The following GLI2 variants were observed in gnomAD, a reference collection of about 807,000 sequenced individuals.
The protein encoded by GLI2 is transcription activator GLI2.
A neutral mutation model predicts 78.9 loss-of-function variants in GLI2; 22 were observed. The ratio of observed to expected loss-of-function variants is 0.28; its 90% CI spans 0.20 to 0.40. The LOEUF (loss-of-function observed/expected upper bound fraction) is 0.40, where lower values mean the gene tolerates loss of function less well. Ranked by LOEUF, GLI2 falls within the 10% of genes least tolerant of loss-of-function variation. The pLI, the probability that GLI2 is intolerant of heterozygous loss-of-function variation, is 1.00. For synonymous variants in GLI2, 974 were observed against 963.7 expected, an observed-to-expected ratio of 1.01 and a Z score of -0.20; for missense variants, 2,097 against 2,213.2, an observed-to-expected ratio of 0.95 and a Z score of 1.05.
chr2:120,827,124 G>A (rs1421245349), intron 2 of GLI2, among the ~76,000 whole-genome samples: 2 of 152,202 alleles, frequency 1.3e-5, no homozygotes, highest in South Asian at 2.1e-4. Context: ...GTGCTTCAGG[G>A]ACCTCTAGGC....
intron 2 of GLI2, among the ~76,000 whole-genome samples, chr2:120,923,877 C>G (rs1679530848): frequency 6.6e-6 from 1 of 152,104 alleles, no homozygotes; most frequent in Non-Finnish European, 1.5e-5. Flanking sequence ...CACACACACA[C>G]CATGGCTTAG....
intron 2 of GLI2, among the ~76,000 whole-genome samples, chr2:120,804,772 C>A (rs1055667183): frequency 5.3e-5 from 8 of 152,236 alleles, no homozygotes; most frequent in Non-Finnish European, 7.3e-5. Context: ...GGGGTGCAGG[C>A]TGACCACCCA....
chr2:120,962,049 T>C (rs1014789255), intron 5 of GLI2, among the ~76,000 whole-genome samples: 1 of 152,138 alleles, frequency 6.6e-6, no homozygotes, highest in African/African-American at 2.4e-5. Flanking sequence ...CCCGATTCCA[T>C]GCAAGTCCAC....
chr2:120,909,191 C>A (rs1678689736), intron 2 of GLI2, among the ~76,000 whole-genome samples: 1 of 152,146 alleles, frequency 6.6e-6, no homozygotes, highest in Non-Finnish European at 1.5e-5. Flanking sequence ...CTTGCTCCTG[C>A]CCAAAGTGCT....
chr2:120,766,464 G>A (rs1197355021), intron 1 of GLI2, among the ~76,000 whole-genome samples: 1 of 152,222 alleles, frequency 6.6e-6, no homozygotes, highest in Admixed American at 6.5e-5. Context: ...GAGTAGAAGA[G>A]TATGGAGGCT....
intron 8 of GLI2, 126 bp downstream of exon 8, chr2:120,972,189 A>C (rs1441495692): frequency 2.9e-6 from 3 of 1,045,336 alleles, no homozygotes; most frequent in Non-Finnish European, 4.4e-6. Flanking sequence ...TGAGTGACCC[A>C]GGGAGGACTG....
At chr2:120,744,731 G>A (rs1334498104) in intron 1 of GLI2, among the ~76,000 whole-genome samples, 2 of 152,160 alleles carry the variant, frequency 1.3e-5, no homozygotes, top group Non-Finnish European at 2.9e-5. Context: ...GAAATTAAGA[G>A]GCACATCTGA....
At chr2:120,736,882 C>T (rs1021701093) in intron 1 of GLI2, among the ~76,000 whole-genome samples, 1 of 150,272 alleles carries the variant, frequency 6.7e-6, no homozygotes, top group East Asian at 2.0e-4. Context: ...TCGGCCCCCC[C>T]TCTTTGCCTC....
intron 2 of GLI2, among the ~76,000 whole-genome samples, chr2:120,828,655 GAA>G (rs1273049966): frequency 6.6e-6 from 1 of 152,160 alleles, no homozygotes; most frequent in African/African-American, 2.4e-5. Flanking sequence ...GGAAAGAAAA[GAA>G]AGTTAAATTC....
At chr2:120,862,736 GT>G (rs1386513067) in intron 2 of GLI2, among the ~76,000 whole-genome samples, 1 of 152,210 alleles carries the variant, frequency 6.6e-6, no homozygotes, top group Admixed American at 6.5e-5. Flanking sequence ...GCACTCCGAG[GT>G]TCTGGGTGAG....
At chr2:120,798,671 C>G (rs921831785) in intron 2 of GLI2, among the ~76,000 whole-genome samples, 1 of 152,088 alleles carries the variant, frequency 6.6e-6, no homozygotes, top group Admixed American at 6.5e-5. Flanking sequence ...GCCCCTTGGA[C>G]GGGGACTCTC....
chr2:120,826,989 CA>C (rs1162772078), intron 2 of GLI2, among the ~76,000 whole-genome samples: 1 of 152,214 alleles, frequency 6.6e-6, no homozygotes, highest in Non-Finnish European at 1.5e-5. Context: ...GGGCTCCCAC[CA>C]TTTCGCTTTC....
chr2:120,974,446 C>A (rs1328884958), intron 8 of GLI2, among the ~76,000 whole-genome samples: 1 of 152,124 alleles, frequency 6.6e-6, no homozygotes, highest in Non-Finnish European at 1.5e-5. Context: ...ATTTCAGGTA[C>A]CTGTGATCAG....
intron 2 of GLI2, among the ~76,000 whole-genome samples, chr2:120,861,651 G>A (rs1035077588): frequency 2.6e-5 from 4 of 152,352 alleles, no homozygotes; most frequent in East Asian, 1.9e-4. Context: ...TCCACGGCCC[G>A]TGGCATTCTC....
At chr2:120,985,403 T>C (rs1033877996) in intron 12 of GLI2, among the ~76,000 whole-genome samples, 4 of 151,848 alleles carry the variant, frequency 2.6e-5, no homozygotes, top group Non-Finnish European at 5.9e-5. Flanking sequence ...AACTGGCAGG[T>C]GTGGGGAGCA....
chr2:120,969,801 C>T (rs573934633), intron 6 of GLI2, among the ~76,000 whole-genome samples: 16 of 152,312 alleles, frequency 1.1e-4, no homozygotes, highest in East Asian at 5.8e-4. Flanking sequence ...ACATGGCAGA[C>T]GGGTCCCAGC....
At chr2:120,936,811 T>G (rs1028952689) in intron 3 of GLI2, among the ~76,000 whole-genome samples, 1 of 152,152 alleles carries the variant, frequency 6.6e-6, no homozygotes, top group African/African-American at 2.4e-5. Flanking sequence ...GCCAAACTCA[T>G]TGTTGCTGGA....
chr2:120,941,671 G>T (rs1323163351), intron 3 of GLI2, among the ~76,000 whole-genome samples: 5 of 152,350 alleles, frequency 3.3e-5, no homozygotes, highest in African/African-American at 4.8e-5. Flanking sequence ...GAGGAAGTGG[G>T]CACCTGGTCC....
At chr2:120,798,143 G>T (rs184207901) in intron 2 of GLI2, among the ~76,000 whole-genome samples, 1 of 152,220 alleles carries the variant, frequency 6.6e-6, no homozygotes, top group Non-Finnish European at 1.5e-5. Flanking sequence ...GAGAGACTTC[G>T]ATTTCTTTTC....
Sources: allele counts gnomAD v4.1 joint callset (sites outside exome capture counted in the v4.1 genomes callset), GRCh38; gene constraint gnomAD v4.1.1; transcripts MANE v1.5; gene names NCBI Gene and HGNC (gene_info 2026-07-23, HGNC 2026-07-21).